TMC2: variants seen among roughly 807,000 people sequenced by gnomAD.
The protein encoded by TMC2 is transmembrane channel-like protein 2.
A neutral mutation model predicts 105.9 loss-of-function variants in TMC2; 102 were observed. The ratio of observed to expected loss-of-function variants is 0.96; its 90% CI spans 0.82 to 1.14. The LOEUF (loss-of-function observed/expected upper bound fraction) is 1.14, where lower values mean the gene tolerates loss of function less well. Ranked by LOEUF, TMC2 falls within the 50% of genes most tolerant of loss-of-function variation. The pLI, the probability that TMC2 is intolerant of heterozygous loss-of-function variation, is 0.00. For synonymous variants in TMC2, 402 were observed against 422.8 expected, an observed-to-expected ratio of 0.95 and a Z score of 0.60; for missense variants, 1,093 against 1,134.3, an observed-to-expected ratio of 0.96 and a Z score of 0.52.
At chr20:2,603,025 C>T (rs1368483656) in intron 11 of TMC2, among the ~76,000 whole-genome samples, 1 of 152,204 alleles carries the variant, frequency 6.6e-6, no homozygotes, top group African/African-American at 2.4e-5. Context: ...TGTATTGAGA[C>T]TTGCTCTTTT....
chr20:2,601,532 T>C (rs562096758), intron 10 of TMC2, among the ~76,000 whole-genome samples: 2 of 152,314 alleles, frequency 1.3e-5, no homozygotes, highest in African/African-American at 2.4e-5. Flanking sequence ...TCTACTGGTG[T>C]GTTGCTGGGA....
At chr20:2,587,995 C>A (rs770533184) in intron 7 of TMC2, among the ~76,000 whole-genome samples, 8 of 151,130 alleles carry the variant, frequency 5.3e-5, no homozygotes, top group Admixed American at 3.3e-4. Context: ...CCCTAAATGA[C>A]CCTCAATCTT....
intron 17 of TMC2, among the ~76,000 whole-genome samples, chr20:2,625,275 A>G (rs1205068246): frequency 6.6e-6 from 1 of 152,220 alleles, no homozygotes; most frequent in Non-Finnish European, 1.5e-5. Flanking sequence ...CATGTACACG[A>G]TCACAAGATT....
At chr20:2,627,765 G>A (rs1446424715) in intron 17 of TMC2, among the ~76,000 whole-genome samples, 3 of 152,136 alleles carry the variant, frequency 2.0e-5, no homozygotes, top group Non-Finnish European at 4.4e-5. Context: ...AAGTCCCTTA[G>A]TCAAGACCAG....
At chr20:2,636,956 C>G (rs2086651314) in intron 18 of TMC2, among the ~76,000 whole-genome samples, 1 of 152,118 alleles carries the variant, frequency 6.6e-6, no homozygotes, top group Non-Finnish European at 1.5e-5. Flanking sequence ...GTACAGAAAA[C>G]CACTGAAATA....
In TMC2 at chr20:2,613,284, A is replaced by G. The variant is rs2086455880; in HGVS notation, c.1834A>G (p.Met612Val). The change falls in exon 14 of 20, where the codon ATG (methionine) becomes GTG (valine). Residue 612 changes from methionine to valine, a missense_variant. Coordinates refer to ENST00000358864, the MANE Select transcript of TMC2 (RefSeq NM_080751.3). ...DFLRACFVRF[M>V]NYCWCWDLEA... The stretch of plus-strand genomic sequence containing the variant: ...CCTACGGGCTTGTTTTGTGCGGTTC[A>G]TGAACTACTGCTGGTGCTGGGACTT... 5 of 1,613,970 alleles carry G rather than the reference A, an allele frequency of 3.1e-6. No individual in the cohort carries two copies. Among genetic ancestry groups the G allele is most frequent in the African/African-American group, 1.3e-5 (1 of 74,874 alleles).
rs1600120569 is a variant in TMC2 at position 2,597,065 on chromosome 20, T to G, written c.1077-86T>G. The G allele has an allele frequency of 8.3e-6, 12 of 1,452,106 alleles. No homozygotes were observed. In the Admixed American group the frequency reaches 2.2e-4, roughly 26 times the overall value. The allele number at this position is 1,452,106 out of a possible 1,614,324, so 90.0% of individuals were successfully genotyped here. On this transcript the variant is annotated intron_variant, in intron 9 of 19. Transcript: ENST00000358864. ...CAGCTACCTGTTTATCTGTTACCTG[T>G]GTCCGAGACTGGCTAGGCCAAGGTT...
chr20:2,537,402 A>T, intron 2 of TMC2, 86 bp downstream of exon 2: 2 of 1,092,036 alleles, frequency 1.8e-6, no homozygotes, highest in Non-Finnish European at 2.7e-6. Context: ...CCCATCCAAC[A>T]TTCTCCTTCA....
intron 6 of TMC2, 43 bp downstream of exon 6, chr20:2,579,270 AG>A: frequency 8.2e-7 from 1 of 1,224,770 alleles, no homozygotes; most frequent in Non-Finnish European, 1.2e-6. Context: ...GGTTTCCTAA[AG>A]CGTTTCCCAA....
intron 11 of TMC2, among the ~76,000 whole-genome samples, chr20:2,610,067 T>C (rs1600128480): frequency 6.6e-6 from 1 of 152,226 alleles, no homozygotes. Context: ...CAGGATCTCC[T>C]GGCTATCTCC....
At position 2,594,832 on chromosome 20, in the gene TMC2, T is replaced by C; in HGVS notation, c.941T>C (p.Ile314Thr). ...FSVLWDFEGY[I>T]KYSALFYGYY... ...GGCTTTGCTGTCCCCCAGGGCTATATCAAGTACTCTGCACTCTTCTATGGC... is the reference window on the plus strand; with the variant it reads ...GGCTTTGCTGTCCCCCAGGGCTATACCAAGTACTCTGCACTCTTCTATGGC... The change falls in exon 9 of 20, where the codon ATC becomes ACC. Residue 314 changes from isoleucine to threonine, a missense_variant. Physicochemically the swap from Ile to Thr is moderately conservative, Grantham distance 89. Coordinates refer to ENST00000358864, the MANE Select transcript of TMC2 (RefSeq NM_080751.3). The C allele has an allele frequency of 6.2e-7, 1 of 1,614,080 alleles. No individual in the cohort carries two copies. The highest frequency in any genetic ancestry group is 8.5e-7 in the Non-Finnish European group (1 of 1,179,984).
At chr20:2,581,862 A>T (rs1600111673) in intron 7 of TMC2, among the ~76,000 whole-genome samples, 2 of 152,218 alleles carry the variant, frequency 1.3e-5, no homozygotes, top group African/African-American at 4.8e-5. Context: ...AACAATAAAA[A>T]CTTAGTGATT....
intron 2 of TMC2, among the ~76,000 whole-genome samples, chr20:2,554,853 A>G (rs988442211): frequency 3.3e-5 from 5 of 152,208 alleles, no homozygotes; most frequent in African/African-American, 1.2e-4. Flanking sequence ...ATGGTCCAGC[A>G]TATGGTCTAT....
intron 2 of TMC2, among the ~76,000 whole-genome samples, chr20:2,543,053 A>G (rs2085901090): frequency 1.3e-5 from 2 of 152,026 alleles, no homozygotes; most frequent in Non-Finnish European, 2.9e-5. Context: ...CCTGGCCAAC[A>G]TGGTGAAACC....
At chr20:2,632,891 G>T (rs779570557) in intron 17 of TMC2, among the ~76,000 whole-genome samples, 1 of 152,232 alleles carries the variant, frequency 6.6e-6, no homozygotes, top group Non-Finnish European at 1.5e-5. Flanking sequence ...ACCCAGCCAT[G>T]TCTTACTAGT....
At chr20:2,568,717 G>C (rs1912889164) in intron 4 of TMC2, among the ~76,000 whole-genome samples, 1 of 152,150 alleles carries the variant, frequency 6.6e-6, no homozygotes, top group African/African-American at 2.4e-5. Context: ...CAGTGGTATT[G>C]GTGTTCACTG....
intron 11 of TMC2, among the ~76,000 whole-genome samples, chr20:2,602,723 T>C (rs1441515708): frequency 2.0e-5 from 3 of 152,264 alleles, no homozygotes; most frequent in Non-Finnish European, 4.4e-5. Context: ...TAATATCTGA[T>C]AGAGCGAGTT....
At chr20:2,639,071 A>T (rs1489577611) in intron 19 of TMC2, among the ~76,000 whole-genome samples, 2 of 151,978 alleles carry the variant, frequency 1.3e-5, no homozygotes, top group Non-Finnish European at 2.9e-5. Context: ...AATTTTTTGT[A>T]CTTTTAGTAG....
At chr20:2,590,142 TG>T (rs1349489078) in intron 7 of TMC2, among the ~76,000 whole-genome samples, 3 of 152,140 alleles carry the variant, frequency 2.0e-5, no homozygotes, top group African/African-American at 7.2e-5. Flanking sequence ...TAATGTTGTA[TG>T]AAAAAAACAA....
Sources: allele counts gnomAD v4.1 joint callset (sites outside exome capture counted in the v4.1 genomes callset), GRCh38; gene constraint gnomAD v4.1.1; transcripts MANE v1.5; gene names NCBI Gene and HGNC (gene_info 2026-07-23, HGNC 2026-07-21).